RASSF2: variants seen among roughly 807,000 people sequenced by gnomAD.
RASSF2 encodes Ras association domain family member 2, also known as ras association domain-containing protein 2.
RASSF2 carries 34 observed loss-of-function variants against 46.3 expected under a neutral mutation model. The observed-to-expected ratio is 0.73, with a 90% CI of 0.56 to 0.98. The LOEUF is 0.98. RASSF2 is among the 50% of genes least tolerant of loss of function. The pLI, the probability that RASSF2 is intolerant of heterozygous loss-of-function variation, is 0.00. For synonymous variants in RASSF2, 158 were observed against 162.5 expected (o/e 0.97, Z 0.21); for missense variants, 364 against 431.2 (o/e 0.84, Z 1.38).
At position 4,786,314 on chromosome 20, in the gene RASSF2, T is replaced by C; in HGVS notation, c.828A>G (p.Ile276Met). Reference sequence around the variant, plus strand: ...TTTTAAGTACCGGCATCTCGAACTTTATATACTGGGCCACCTAGAGAGAAA... The same window carrying C: ...TTTTAAGTACCGGCATCTCGAACTTCATATACTGGGCCACCTAGAGAGAAA... ...EEVTYDVAQY[I>M]KFEMPVLKSF... Residue 276 changes from isoleucine to methionine, a missense_variant, in exon 11 of 12, where the codon ATA becomes ATG. Transcript: ENST00000379400. 1.9e-6 allele frequency: 3 copies of C among 1,609,750 alleles called. No individual in the cohort carries two copies. The highest frequency in any genetic ancestry group is 2.6e-6 in the Non-Finnish European group (3 of 1,176,010).
At chr20:4,802,180 C>T (rs1275112938) in intron 2 of RASSF2, among the ~76,000 whole-genome samples, 1 of 151,516 alleles carries the variant, frequency 6.6e-6, no homozygotes, top group Non-Finnish European at 1.5e-5. Flanking sequence ...CCCTCGATCC[C>T]CCCGCCTCAG....
At chr20:4,803,876 TG>T (rs1347588614) in intron 2 of RASSF2, among the ~76,000 whole-genome samples, 1 of 151,966 alleles carries the variant, frequency 6.6e-6, no homozygotes, top group Non-Finnish European at 1.5e-5. Context: ...CTGGGCAACA[TG>T]GGGAGATCCC....
Position 4,812,061 on chromosome 20 carries a change from AC to A in RASSF2, c.-33+10267del, listed in dbSNP as rs1204662722. Among the ~76,000 whole-genome samples the A allele has an allele frequency of 6.6e-6, 1 of 151,962 alleles. No individual in the cohort carries two copies. The highest frequency in any genetic ancestry group is 2.4e-5 in the African/African-American group (1 of 41,348). On this transcript the variant is annotated intron_variant, in intron 2 of 11. Transcript: ENST00000379400. The surrounding 1 kb of genome is among the most constrained non-coding windows in gnomAD (Gnocchi z 4.0). ...AAGCGGTGTGGATGGCAAACAGGAAACCCCAGCCCCATTGCACCACACGAGG... is the reference window on the plus strand; with the variant it reads ...AAGCGGTGTGGATGGCAAACAGGAAACCCAGCCCCATTGCACCACACGAGG...
At chr20:4,805,831 G>A (rs1431758487) in intron 2 of RASSF2, among the ~76,000 whole-genome samples, 1 of 152,190 alleles carries the variant, frequency 6.6e-6, no homozygotes, top group Non-Finnish European at 1.5e-5. Flanking sequence ...TGGGGTGACA[G>A]GCAGAGTCCT....
chr20:4,804,694 A>T (rs1601118080), intron 2 of RASSF2, among the ~76,000 whole-genome samples: 1 of 152,002 alleles, frequency 6.6e-6, no homozygotes, highest in African/African-American at 2.4e-5. Flanking sequence ...CCCTTTTTCT[A>T]AAAAGTTGCC....
At chr20:4,792,483 A>G in intron 6 of RASSF2, 56 bp downstream of exon 6, 1 of 1,609,608 alleles carries the variant, frequency 6.2e-7, no homozygotes, top group Non-Finnish European at 8.5e-7. Context: ...AACATCTATC[A>G]CAGCGGTCTT....
chr20:4,807,873 A>T (rs1434503757), intron 2 of RASSF2, among the ~76,000 whole-genome samples: 1 of 152,100 alleles, frequency 6.6e-6, no homozygotes, highest in Non-Finnish European at 1.5e-5. Context: ...CTTTTGCCCC[A>T]CTCTGGGCAT....
At chr20:4,797,724 C>T (rs2281638) in intron 4 of RASSF2, among the ~76,000 whole-genome samples, 23,747 of 152,100 alleles carry the variant, frequency 0.16, 1,924 homozygotes, top group East Asian at 0.19. Context: ...CTGGAAAGGT[C>T]ATTTCATGAA....
chr20:4,798,108 A>C (rs2281639), intron 3 of RASSF2, 23 bp from the exon 4 acceptor site: 8 of 1,612,396 alleles, frequency 5.0e-6, no homozygotes, highest in Non-Finnish European at 1.7e-6. Flanking sequence ...AATAGAAGAG[A>C]TATAACATTA....
chr20:4,818,064 C>T (rs1393205173), intron 2 of RASSF2, among the ~76,000 whole-genome samples: 4 of 152,060 alleles, frequency 2.6e-5, no homozygotes, highest in Admixed American at 1.3e-4. Context: ...GTCAGGAGTT[C>T]AAGACCAGCC....
intron 5 of RASSF2, among the ~76,000 whole-genome samples, chr20:4,794,575 G>A (rs560090786): frequency 1.1e-3 from 171 of 151,788 alleles, no homozygotes; most frequent in Non-Finnish European, 1.9e-3. Context: ...GGGGTGGGGC[G>A]GTGTGCACCT....
rs904246359 is a variant in RASSF2, at chr20:4,780,092, A to G, written c.*4181T>C. On this transcript the variant is annotated 3_prime_UTR_variant, in exon 12 of 12. Transcript: ENST00000379400. ...CATTAAAACATATCAAAATGTTACA[A>G]AAATGTATGGCTCCCTTGCTGAGGC... is the stretch of plus-strand genomic sequence containing the variant. The G allele has an allele frequency of 6.6e-6, 1 of 152,572 alleles. No individual in the cohort carries two copies. Among genetic ancestry groups the G allele is most frequent in the African/African-American group, 2.4e-5 (1 of 41,458 alleles). The allele number at this position is 152,572 out of a possible 1,614,324, so 9.5% of individuals were successfully genotyped here.
rs2423034 is a variant in RASSF2, at chr20:4,812,865, C to T, written c.-33+9464G>A. Among the ~76,000 whole-genome samples the T allele has an allele frequency of 0.4, 60,856 of 151,962 alleles. 12,332 individuals are homozygous for T. Among genetic ancestry groups the T allele is most frequent in the Admixed American group, 0.5 (7,652 of 15,278 alleles). ...TGGCTGAGCGCTGGATCTGAGAGGG[C>T]CACTATGCGAGTAGCAGGTGCAGGC... is the stretch of plus-strand genomic sequence containing the variant. On this transcript the variant is annotated intron_variant, in intron 2 of 11. Coordinates refer to ENST00000379400, the MANE Select transcript of RASSF2 (RefSeq NM_014737.3). The surrounding 1 kb of genome is among the most constrained non-coding windows in gnomAD (Gnocchi z 4.0).
chr20:4,797,561 GC>G (rs56061905), intron 4 of RASSF2, among the ~76,000 whole-genome samples: 24,995 of 152,172 alleles, frequency 0.16, 2,192 homozygotes, highest in East Asian at 0.3. Context: ...GTGGGGACGG[GC>G]CCACTATCAG....
intron 2 of RASSF2, among the ~76,000 whole-genome samples, chr20:4,804,203 C>T (rs779208699): frequency 3.0e-4 from 46 of 151,792 alleles, no homozygotes; most frequent in Admixed American, 7.2e-4. Context: ...AAAGTGGGAC[C>T]CTGAGAACAC....
chr20:4,784,191 T>C lies in RASSF2; in HGVS notation c.*82A>G, dbSNP rs1233870419. On this transcript the variant is annotated 3_prime_UTR_variant, in exon 12 of 12. Coordinates refer to ENST00000379400, the MANE Select transcript of RASSF2 (RefSeq NM_014737.3). ...GGAGGTTTGTGTCTAAATGTTTCCA[T>C]GGAAAGAAAGTGCCTAGCTTCCTGG... 3.1e-5 allele frequency: 43 copies of C among 1,404,490 alleles called. No individual in the cohort carries two copies. The highest frequency in any genetic ancestry group is 4.1e-5 in the Non-Finnish European group (41 of 990,650). The allele number at this position is 1,404,490 out of a possible 1,614,324, so 87.0% of individuals were successfully genotyped here. A position where few individuals can be genotyped will look rare whatever the true frequency, so the allele number is the denominator to read the frequency against.
chr20:4,793,600 A>C (rs1456211355), intron 5 of RASSF2, among the ~76,000 whole-genome samples: 1 of 152,020 alleles, frequency 6.6e-6, no homozygotes, highest in Non-Finnish European at 1.5e-5. Flanking sequence ...TAAAGCCTTC[A>C]TTCTTGCTGA....
chr20:4,802,911 TATA>T (rs200222660), intron 2 of RASSF2, among the ~76,000 whole-genome samples: 27,195 of 97,128 alleles, frequency 0.28, 3,068 homozygotes, highest in East Asian at 0.45. Context: ...TATATATATA[TATA>T]TTTTTTTTTT....
At chr20:4,805,084 G>C (rs377082703) in intron 2 of RASSF2, among the ~76,000 whole-genome samples, 13 of 152,190 alleles carry the variant, frequency 8.5e-5, no homozygotes, top group African/African-American at 3.1e-4. Context: ...TCATCTGGTG[G>C]GCAATGCTGG....
Sources: allele counts gnomAD v4.1 joint callset (sites outside exome capture counted in the v4.1 genomes callset), GRCh38; gene constraint gnomAD v4.1.1; non-coding constraint Gnocchi (gnomAD v3.1); transcripts MANE v1.5; gene names NCBI Gene and HGNC (gene_info 2026-07-23, HGNC 2026-07-21).